Variants in FAM153A observed in about 807,000 individuals in gnomAD.
FAM153A encodes the protein family with sequence similarity 153 member A.
In FAM153A, 12 loss-of-function variants were observed where a neutral mutation model predicts 48.1. The observed-to-expected ratio is 0.25, with a 90% confidence interval of 0.16 to 0.40. The LOEUF is 0.40. Ranked by LOEUF, FAM153A falls within the 10% of genes least tolerant of loss-of-function variation. The pLI, the probability that FAM153A is intolerant of heterozygous loss-of-function variation, is 1.00. For missense variants in FAM153A, 111 were observed against 345.8 expected (o/e 0.32, Z 5.38); for synonymous variants, 36 against 118.2 (o/e 0.30, Z 4.51).
At chr5:177,742,920 CCT>C (rs1382030570) in intron 6 of FAM153A, among the ~76,000 whole-genome samples, 1 of 58,636 alleles carries the variant, frequency 1.7e-5, no homozygotes, top group Non-Finnish European at 3.2e-5. Flanking sequence ...CAGAAAGCCC[CCT>C]GAGTACCACA....
downstream of FAM153A, chr5:177,706,962 A>G (rs1267601274): frequency 1.3e-5 from 2 of 152,116 alleles, no homozygotes; most frequent in East Asian, 3.9e-4. Flanking sequence ...AATAAAGGTC[A>G]TTATAAAACG....
chr5:177,728,759 G>T (rs965868300), intron 18 of FAM153A, among the ~76,000 whole-genome samples: 1 of 150,572 alleles, frequency 6.6e-6, no homozygotes, highest in African/African-American at 2.5e-5. Flanking sequence ...GAGCGATGGG[G>T]TTTCTCAATG....
the FAM153A span, among the ~76,000 whole-genome samples, chr5:177,701,287 G>A: frequency 6.6e-6 from 1 of 151,864 alleles, no homozygotes; most frequent in Admixed American, 6.6e-5. Context: ...GTCTATGCCA[G>A]GCATGGTGGC....
chr5:177,737,187 C>T lies in FAM153A; in HGVS notation c.563-75G>A, dbSNP rs573461900. The T allele has an allele frequency of 3.9e-5, 57 of 1,464,698 alleles. 2 individuals are homozygous for T. The South Asian group carries it at 4.4e-4, about 11-fold the overall frequency. 90.7% of individuals were successfully genotyped at this position (1,464,698 alleles called of 1,614,324 possible). A position where few individuals can be genotyped will look rare whatever the true frequency, so the allele number is the denominator to read the frequency against. Reference sequence around the variant, plus strand: ...TCAGGTGGTCTTGGAGCTGTGGACACGGGGCTGGCGTGTGTGGAAAGGTGT... The same window carrying T: ...TCAGGTGGTCTTGGAGCTGTGGACATGGGGCTGGCGTGTGTGGAAAGGTGT... On this transcript the variant is annotated intron_variant, in intron 10 of 20. Transcript: ENST00000614127.
chr5:177,732,359 A>G (rs1763971571), intron 14 of FAM153A, among the ~76,000 whole-genome samples: 1 of 113,296 alleles, frequency 8.8e-6, no homozygotes, highest in Admixed American at 9.6e-5. Flanking sequence ...CAAACAGGGC[A>G]CACCACACAG....
chr5:177,739,006 A>C lies in FAM153A; in HGVS notation c.562+107T>G, dbSNP rs902678422. 3 of 841,044 alleles carry C rather than the reference A, an allele frequency of 3.6e-6. No individual in the cohort carries two copies. In the Admixed American group the frequency reaches 7.9e-5, roughly 22 times the overall value. 52.1% of individuals were successfully genotyped at this position (841,044 alleles called of 1,614,324 possible). On this transcript the variant is annotated intron_variant, in intron 10 of 20. Transcript: ENST00000614127. ...TTCTTCCCAAACCCCATTTTCCAAT[A>C]GGAAGCTCCAATGAGAGTGGTTCTC...
intron 10 of FAM153A, among the ~76,000 whole-genome samples, chr5:177,738,563 T>C (rs1351155129): frequency 6.6e-6 from 1 of 151,340 alleles, no homozygotes; most frequent in Non-Finnish European, 1.5e-5. Context: ...TTCAGAGTAG[T>C]AGCCCATGGC....
intron 18 of FAM153A, among the ~76,000 whole-genome samples, chr5:177,728,701 GGGATTGC>G (rs1156686352): frequency 9.5e-4 from 144 of 150,962 alleles, no homozygotes; most frequent in Non-Finnish European, 1.7e-3. Flanking sequence ...CTGAGTAGCT[GGGATTGC>G]AGGCATGTGA....
At chr5:177,749,971 C>A (rs1766610706) in intron 2 of FAM153A, among the ~76,000 whole-genome samples, 1 of 147,594 alleles carries the variant, frequency 6.8e-6, no homozygotes, top group South Asian at 2.2e-4. Context: ...TTCATAATTA[C>A]CCAAATTGGA....
the FAM153A span, among the ~76,000 whole-genome samples, chr5:177,699,957 A>G: frequency 1.3e-5 from 2 of 152,038 alleles, no homozygotes; most frequent in African/African-American, 4.8e-5. Context: ...AAAAATCCTT[A>G]ACAAAAGCCT....
the FAM153A span, among the ~76,000 whole-genome samples, chr5:177,696,162 G>T: frequency 7.9e-6 from 1 of 126,074 alleles, no homozygotes; most frequent in Non-Finnish European, 1.7e-5. Context: ...CGGCTGGGCA[G>T]AGGCACTCCT....
chr5:177,718,873 T>C (rs1398082639), downstream of FAM153A, among the ~76,000 whole-genome samples: 1 of 149,806 alleles, frequency 6.7e-6, no homozygotes, highest in Non-Finnish European at 1.5e-5. Flanking sequence ...CATAAATGAG[T>C]CAATAAAGTA....
downstream of FAM153A, chr5:177,722,658 G>A (rs1761296115): frequency 6.6e-6 from 1 of 150,502 alleles, no homozygotes; most frequent in African/African-American, 2.5e-5. Flanking sequence ...GCAGGTCTCA[G>A]AGACCTCCTT....
At chr5:177,757,618 G>C (rs1312734183), upstream of FAM153A, among the ~76,000 whole-genome samples, 1 of 151,276 alleles carries the variant, frequency 6.6e-6, no homozygotes, top group Non-Finnish European at 1.5e-5. Context: ...ACATCAAAAA[G>C]CTTATCCAAC....
At position 177,734,043 on chromosome 5, in the gene FAM153A, T is replaced by C. The variant is rs556200634; in HGVS notation, c.760+337A>G. ...GTGATGGAAATCTCTGTTGAGAATG[T>C]GGACACTAGAAAATCCGGGGATATG... On this transcript the variant is annotated intron_variant, in intron 14 of 20. Coordinates refer to ENST00000614127, the Ensembl canonical transcript of FAM153A. 3.6e-3 allele frequency among the ~76,000 whole-genome samples: 414 copies of C among 115,926 alleles called. 38 individuals are homozygous for C. The highest frequency in any genetic ancestry group is 0.012 in the African/African-American group (399 of 34,528). The allele number at this position is 115,926 out of a possible 152,430, so 76.1% of individuals were successfully genotyped here. A position where few individuals can be genotyped will look rare whatever the true frequency, so the allele number is the denominator to read the frequency against.
chr5:177,737,296 C>G (rs531843712), intron 10 of FAM153A, among the ~76,000 whole-genome samples, 184 bp from the exon 13 acceptor site: 1 of 151,828 alleles, frequency 6.6e-6, no homozygotes, highest in African/African-American at 2.4e-5. Flanking sequence ...TCAGGAAGGC[C>G]TCAGAAGACA....
rs1404126648 is a variant in FAM153A at position 177,746,156 on chromosome 5, C to A, written c.260-1189G>T. The stretch of plus-strand genomic sequence containing the variant: ...GGGAAATTCAACTCTGCAGCATGTC[C>A]ATCCGAGGACTGGGGATATTAAACT... On this transcript the variant is annotated intron_variant, in intron 4 of 20. Transcript: ENST00000614127. Among the ~76,000 whole-genome samples the A allele has an allele frequency of 2.0e-5, 3 of 151,536 alleles. 1 individual carries two copies. Among genetic ancestry groups the A allele is most frequent in the African/African-American group, 7.3e-5 (3 of 40,826 alleles).
upstream of FAM153A, chr5:177,753,214 C>G (rs760155815): frequency 5.0e-6 from 8 of 1,609,354 alleles, no homozygotes; most frequent in Non-Finnish European, 5.9e-6. Context: ...CATTGTGAGT[C>G]CTCTGAGACA....
chr5:177,717,610 T>C (rs1342686922), downstream of FAM153A, among the ~76,000 whole-genome samples: 31 of 149,280 alleles, frequency 2.1e-4, 1 homozygote, highest in Middle Eastern at 3.4e-3. Flanking sequence ...GTTGACACTA[T>C]CTCAACCAAA....
Sources: gnomAD v4.1 joint callset for allele counts (sites outside exome capture counted in the v4.1 genomes callset) on GRCh38, gnomAD v4.1.1 for gene constraint, MANE v1.5 for transcripts, NCBI Gene and HGNC (gene_info 2026-07-23, HGNC 2026-07-21) for gene names.